The following FLRT2 variants were observed in gnomAD, a reference collection of about 807,000 sequenced individuals.
FLRT2 encodes fibronectin leucine rich transmembrane protein 2, also known as leucine-rich repeat transmembrane protein FLRT2.
FLRT2 carries 15 observed loss-of-function variants against 40.0 expected under a neutral mutation model. That is an observed-to-expected ratio of 0.38 (90% CI 0.25 to 0.58). The LOEUF is 0.58. Ranked by LOEUF, FLRT2 falls within the 20% of genes least tolerant of loss-of-function variation. The pLI, the probability that FLRT2 is intolerant of heterozygous loss-of-function variation, is 0.71. For missense variants in FLRT2, 726 were observed against 840.0 expected (o/e 0.86, Z 1.68); for synonymous variants, 380 against 336.8 (o/e 1.13, Z -1.41).
chr14:85,537,614 ACAC>A (rs1183076658), intron 1 of FLRT2, among the ~76,000 whole-genome samples: 1 of 152,096 alleles, frequency 6.6e-6, no homozygotes, highest in Non-Finnish European at 1.5e-5. Context: ...ACACACACAC[ACAC>A]AACACACACA....
intron 1 of FLRT2, among the ~76,000 whole-genome samples, chr14:85,596,370 C>A (rs984741299): frequency 3.3e-5 from 5 of 152,214 alleles, no homozygotes; most frequent in African/African-American, 1.2e-4. Context: ...ACTGGACATA[C>A]ACTTTTCATG....
At chr14:85,552,956 T>C (rs1889730993) in intron 1 of FLRT2, 3 of 152,134 alleles carry the variant, frequency 2.0e-5, no homozygotes. Context: ...GCAGGAGTAA[T>C]GGTATTTTTT....
chr14:85,532,605 A>C (rs1476662050), intron 1 of FLRT2, among the ~76,000 whole-genome samples: 2 of 152,142 alleles, frequency 1.3e-5, no homozygotes, highest in Non-Finnish European at 2.9e-5. Flanking sequence ...GAAATTTAAC[A>C]ACGCTCTTGC....
rs928781607 is a variant in FLRT2 at position 85,631,730 on chromosome 14, A to G, written c.*8233A>G. ...TTTTATGATTATTTGGTGGCCATGC[A>G]TCTGATTTGAAAGCTTTAGATGGAA... On this transcript the variant is annotated 3_prime_UTR_variant, in exon 2 of 2. Coordinates refer to ENST00000330753, the MANE Select transcript of FLRT2 (RefSeq NM_013231.6). 6.6e-6 allele frequency: 1 copy of G among 152,242 alleles called. No homozygotes were observed. Among genetic ancestry groups the G allele is most frequent in the African/African-American group, 2.4e-5 (1 of 41,470 alleles). The allele number at this position is 152,242 out of a possible 1,614,324, so 9.4% of individuals were successfully genotyped here. A position where few individuals can be genotyped will look rare whatever the true frequency, so the allele number is the denominator to read the frequency against.
intron 1 of FLRT2, among the ~76,000 whole-genome samples, chr14:85,595,941 G>T (rs1411782877): frequency 1.3e-5 from 2 of 152,150 alleles, no homozygotes; most frequent in Non-Finnish European, 2.9e-5. Flanking sequence ...TTCTTTGTCT[G>T]TTGGTTGGAG....
intron 1 of FLRT2, among the ~76,000 whole-genome samples, chr14:85,560,180 G>A (rs140603578): frequency 2.2e-4 from 34 of 152,232 alleles, no homozygotes; most frequent in Non-Finnish European, 2.9e-4. Context: ...ACTGGGTGAG[G>A]TTTTGTTTTT....
chr14:85,552,833 C>T (rs1035711378), intron 1 of FLRT2: 1 of 152,114 alleles, frequency 6.6e-6, no homozygotes, highest in Non-Finnish European at 1.5e-5. Context: ...TTCCGAGACA[C>T]CTAAGCTGCT....
At chr14:85,610,261 ACT>A (rs528160847) in intron 1 of FLRT2, among the ~76,000 whole-genome samples, 4 of 152,004 alleles carry the variant, frequency 2.6e-5, no homozygotes, top group African/African-American at 9.6e-5. Context: ...GCGAGAAGAG[ACT>A]CTCTGAAATG....
chr14:85,615,339 C>T (rs1893075119), intron 1 of FLRT2, among the ~76,000 whole-genome samples: 1 of 152,242 alleles, frequency 6.6e-6, no homozygotes, highest in Middle Eastern at 3.2e-3. Context: ...GAGAACAACG[C>T]TTCAAATGTA....
At chr14:85,561,640 C>T (rs1890327118) in intron 1 of FLRT2, among the ~76,000 whole-genome samples, 2 of 152,204 alleles carry the variant, frequency 1.3e-5, no homozygotes, top group Non-Finnish European at 2.9e-5. Flanking sequence ...TGGAAATTCT[C>T]CCTCCGTTAT....
chr14:85,613,552 A>G (rs1043837282), intron 1 of FLRT2, among the ~76,000 whole-genome samples: 8 of 152,168 alleles, frequency 5.3e-5, no homozygotes, highest in African/African-American at 1.9e-4. Context: ...CTGATTCCTT[A>G]TGGGACCTCA....
At chr14:85,602,754 T>C (rs1173187042) in intron 1 of FLRT2, among the ~76,000 whole-genome samples, 2 of 152,204 alleles carry the variant, frequency 1.3e-5, no homozygotes, top group Non-Finnish European at 2.9e-5. Context: ...ACGGATGGTG[T>C]CTTCTTTGAT....
At chr14:85,550,416 G>C (rs574949402) in intron 1 of FLRT2, among the ~76,000 whole-genome samples, 13 of 152,280 alleles carry the variant, frequency 8.5e-5, no homozygotes, top group African/African-American at 3.1e-4. Flanking sequence ...GGCAGATCAG[G>C]TAAATGAGTT....
At chr14:85,545,506 T>C (rs1273958621) in intron 1 of FLRT2, among the ~76,000 whole-genome samples, 2 of 152,208 alleles carry the variant, frequency 1.3e-5, no homozygotes, top group East Asian at 3.9e-4. Flanking sequence ...CAGAGGTGAT[T>C]ACTCACTGTC....
intron 1 of FLRT2, among the ~76,000 whole-genome samples, chr14:85,606,389 C>T (rs1055123769): frequency 5.3e-5 from 8 of 152,162 alleles, no homozygotes; most frequent in African/African-American, 7.2e-5. Context: ...AAACACTTGA[C>T]GTCCCAGTTT....
intron 1 of FLRT2, among the ~76,000 whole-genome samples, chr14:85,567,830 G>T (rs1017572636): frequency 6.6e-6 from 1 of 151,726 alleles, no homozygotes; most frequent in Non-Finnish European, 1.5e-5. Context: ...TAGTAGAGAC[G>T]GGGTTCCACC....
Position 85,636,390 on chromosome 14 carries a change from G to GAAAAAAAAAAAA in FLRT2, c.*12900_*12911dup, listed in dbSNP as rs35764416. 1.2e-4 allele frequency: 9 copies of GAAAAAAAAAAAA among 75,310 alleles called. No homozygotes were observed. Among genetic ancestry groups the GAAAAAAAAAAAA allele is most frequent in the African/African-American group, 3.5e-4 (7 of 19,920 alleles). 4.7% of individuals were successfully genotyped at this position (75,310 alleles called of 1,614,324 possible). A position where few individuals can be genotyped will look rare whatever the true frequency, so the allele number is the denominator to read the frequency against. ...AAAATCAAAGGTGAAGTCACCTGCA[G>GAAAAAAAAAAAA]AAAAAAAAAAAAAAAAAACAAAAAA... On this transcript the variant is annotated 3_prime_UTR_variant, in exon 2 of 2. Transcript: ENST00000330753.
Position 85,640,959 on chromosome 14 carries a change from T to C in FLRT2, c.*17462T>C, listed in dbSNP as rs1894135312. The C allele has an allele frequency of 6.6e-6, 1 of 152,224 alleles. No homozygotes were observed. The highest frequency in any genetic ancestry group is 1.5e-5 in the Non-Finnish European group (1 of 68,044). The allele number at this position is 152,224 out of a possible 1,614,324, so 9.4% of individuals were successfully genotyped here. A position where few individuals can be genotyped will look rare whatever the true frequency, so the allele number is the denominator to read the frequency against. Reference sequence around the variant, plus strand: ...GACCTTGGGCAAGTTGCTTAAACTGTAGCCATAATTTCCTCATAGATTTGG... The same window carrying C: ...GACCTTGGGCAAGTTGCTTAAACTGCAGCCATAATTTCCTCATAGATTTGG... On this transcript the variant is annotated 3_prime_UTR_variant, in exon 2 of 2. Transcript: ENST00000330753.
chr14:85,596,114 T>A (rs1892128104), intron 1 of FLRT2, among the ~76,000 whole-genome samples: 1 of 152,180 alleles, frequency 6.6e-6, no homozygotes, highest in Admixed American at 6.5e-5. Context: ...AAAATAGTGA[T>A]GCCCAAAAAA....
Sources: allele counts gnomAD v4.1 joint callset (sites outside exome capture counted in the v4.1 genomes callset), GRCh38; gene constraint gnomAD v4.1.1; transcripts MANE v1.5; gene names NCBI Gene and HGNC (gene_info 2026-07-23, HGNC 2026-07-21).